INPP4A: variants seen among roughly 807,000 people sequenced by gnomAD.
The protein encoded by INPP4A is inositol polyphosphate-4-phosphatase type I A, also known as inositol polyphosphate-4-phosphatase, type I, 107kD.
A neutral mutation model predicts 119.8 loss-of-function variants in INPP4A; 33 were observed. That is an observed-to-expected ratio of 0.28 (90% CI 0.21 to 0.37). INPP4A has a LOEUF of 0.37. Ranked by LOEUF, INPP4A falls within the 10% of genes least tolerant of loss-of-function variation. The probability of loss-of-function intolerance (pLI) is 1.00; values close to 1 mark genes in which losing one functional copy is unlikely to be tolerated. For synonymous variants in INPP4A, 496 were observed against 500.7 expected (o/e 0.99, Z 0.12); for missense variants, 956 against 1,289.9 (o/e 0.74, Z 3.97).
intron 17 of INPP4A, among the ~76,000 whole-genome samples, chr2:98,561,207 G>A (rs1201349277): frequency 1.3e-5 from 2 of 152,160 alleles, no homozygotes; most frequent in Non-Finnish European, 2.9e-5. Flanking sequence ...ACCGGTCTGC[G>A]AACATTACGG....
intron 1 of INPP4A, among the ~76,000 whole-genome samples, chr2:98,463,567 G>A (rs1193529662): frequency 6.6e-6 from 1 of 152,246 alleles, no homozygotes; most frequent in Non-Finnish European, 1.5e-5. Context: ...GTGATGCAAA[G>A]TTACCAACTG....
intron 1 of INPP4A, among the ~76,000 whole-genome samples, chr2:98,507,499 G>C (rs927469073): frequency 1.3e-5 from 2 of 152,098 alleles, no homozygotes; most frequent in African/African-American, 4.8e-5. Context: ...GGGTGGTGGT[G>C]CTCCACTGCT....
intron 11 of INPP4A, among the ~76,000 whole-genome samples, chr2:98,545,037 C>G (rs1416873885): frequency 6.6e-6 from 1 of 152,200 alleles, no homozygotes; most frequent in African/African-American, 2.4e-5. Context: ...ACCCGGATCC[C>G]TTGAGAATTG....
At position 98,538,783 on chromosome 2, in the gene INPP4A, T is replaced by TC. The variant is rs1180210933; in HGVS notation, c.580-107dup. The stretch of plus-strand genomic sequence containing the variant: ...TTATTGTAGAGTTCATGGTGGATAT[T>TC]CATCTTAAGACTTCTGTTATGATGT... On this transcript the variant is annotated intron_variant, in intron 8 of 24. Transcript: ENST00000409851. 3 of 679,208 alleles carry TC rather than the reference T, an allele frequency of 4.4e-6. No individual in the cohort carries two copies. In the African/African-American group the frequency reaches 5.4e-5, roughly 12 times the overall value. The allele number at this position is 679,208 out of a possible 1,614,324, so 42.1% of individuals were successfully genotyped here.
chr2:98,529,178 G>T (rs1362836845), intron 4 of INPP4A, among the ~76,000 whole-genome samples: 2 of 152,064 alleles, frequency 1.3e-5, no homozygotes, highest in Non-Finnish European at 2.9e-5. Flanking sequence ...CAATAAAAAG[G>T]AACGAAGTAC....
intron 1 of INPP4A, among the ~76,000 whole-genome samples, chr2:98,515,687 C>T (rs961690487): frequency 4.6e-5 from 7 of 152,220 alleles, no homozygotes; most frequent in Admixed American, 3.3e-4. Flanking sequence ...ACTCCAGCTC[C>T]GGGGAGCCTG....
intron 4 of INPP4A, among the ~76,000 whole-genome samples, chr2:98,532,286 G>A (rs1240140060): frequency 6.6e-6 from 1 of 151,214 alleles, no homozygotes; most frequent in African/African-American, 2.4e-5. Context: ...TTTTGTTAGT[G>A]TCTTCCTTCA....
intron 22 of INPP4A, among the ~76,000 whole-genome samples, chr2:98,571,087 C>T (rs1026125955): frequency 1.3e-5 from 2 of 152,186 alleles, no homozygotes; most frequent in African/African-American, 4.8e-5. Flanking sequence ...GTGCCATGGA[C>T]GTCAGAACTG....
chr2:98,565,686 C>T lies in INPP4A; in HGVS notation c.2199C>T (p.Asp733=), dbSNP rs1240644027. The T allele has an allele frequency of 6.2e-7, 1 of 1,613,440 alleles. No homozygotes were observed. The highest frequency in any genetic ancestry group is 8.5e-7 in the Non-Finnish European group (1 of 1,179,534). Residue 733 remains aspartate (D), a synonymous_variant, in exon 20 of 25, where the codon GAC becomes GAT. Transcript: ENST00000409851. ...AGGACATGAGCCTTGGGATCATGGA[C>T]TTGAGGAACGTGACCTTCAAAGTCA... The part of the protein sequence containing the change: ...MLEDMSLGIM[D]LRNVTFKVTQ...
intron 23 of INPP4A, among the ~76,000 whole-genome samples, chr2:98,576,354 A>G (rs1698414591): frequency 6.6e-6 from 1 of 152,154 alleles, no homozygotes; most frequent in Non-Finnish European, 1.5e-5. Flanking sequence ...TCTGTGAGCC[A>G]TTCAGTTGTG....
At chr2:98,536,301 A>G in intron 7 of INPP4A, 93 bp downstream of exon 7, 1 of 764,924 alleles carries the variant, frequency 1.3e-6, no homozygotes, top group East Asian at 2.7e-5. Context: ...CTGAGAGAGC[A>G]CCCTTCCCTT....
chr2:98,492,239 A>G (rs983654061), intron 1 of INPP4A, among the ~76,000 whole-genome samples: 2 of 152,088 alleles, frequency 1.3e-5, no homozygotes, highest in Non-Finnish European at 2.9e-5. Flanking sequence ...GGGATGTAAC[A>G]CCATTGTAAG....
chr2:98,520,891 C>T (rs929234543), intron 4 of INPP4A, 160 bp downstream of exon 4: 2 of 548,472 alleles, frequency 3.6e-6, no homozygotes, highest in Non-Finnish European at 6.3e-6. Flanking sequence ...CAGTTGTGAA[C>T]TTCTGTGGAT....
chr2:98,555,079 C>G (rs1157106263), intron 15 of INPP4A, among the ~76,000 whole-genome samples: 2 of 152,198 alleles, frequency 1.3e-5, no homozygotes, highest in East Asian at 3.8e-4. Flanking sequence ...AACTATTAAT[C>G]AGCAGCAAAG....
chr2:98,448,965 A>G (rs988541716), intron 1 of INPP4A, among the ~76,000 whole-genome samples: 13 of 152,134 alleles, frequency 8.5e-5, no homozygotes, highest in African/African-American at 3.1e-4. Context: ...GGCCGACCAC[A>G]GTGCTGAGTT....
At chr2:98,451,942 C>G (rs1038935786) in intron 1 of INPP4A, among the ~76,000 whole-genome samples, 2 of 152,154 alleles carry the variant, frequency 1.3e-5, no homozygotes, top group African/African-American at 2.4e-5. Flanking sequence ...CCAACAGTGA[C>G]ATTTATTATC....
At chr2:98,552,686 A>G in intron 13 of INPP4A, 100 bp from the exon 14 acceptor site, 1 of 946,564 alleles carries the variant, frequency 1.1e-6, no homozygotes, top group Non-Finnish European at 1.7e-6. Context: ...GAGTCACAGA[A>G]CACTTCATCT....
intron 18 of INPP4A, 40 bp from the exon 19 acceptor site, chr2:98,564,600 G>A (rs759718405): frequency 1.2e-6 from 2 of 1,611,270 alleles, no homozygotes; most frequent in South Asian, 2.2e-5. Context: ...TTGGTGAGCA[G>A]GCACCTGACC....
chr2:98,488,494 T>C (rs917869280), intron 1 of INPP4A, among the ~76,000 whole-genome samples: 1 of 152,236 alleles, frequency 6.6e-6, no homozygotes, highest in African/African-American at 2.4e-5. Flanking sequence ...CATTCGGAGT[T>C]CTGTACCCGA....
Sources: gnomAD v4.1 joint callset for allele counts (sites outside exome capture counted in the v4.1 genomes callset) on GRCh38, gnomAD v4.1.1 for gene constraint, MANE v1.5 for transcripts, NCBI Gene and HGNC (gene_info 2026-07-23, HGNC 2026-07-21) for gene names.